Variants in SWT1 observed in about 807,000 individuals in gnomAD.
SWT1 encodes SWT1 RNA endoribonuclease homolog.
Under a neutral mutation model 107.3 loss-of-function variants are expected in SWT1, and 33 were observed. The observed-to-expected ratio is 0.31, with a 90% CI of 0.23 to 0.41. The LOEUF is 0.41. Among genes scored for constraint, SWT1 ranks in the 10% least tolerant of loss-of-function variants. The pLI, the probability that SWT1 is intolerant of heterozygous loss-of-function variation, is 1.00. For synonymous variants in SWT1, 345 were observed against 348.3 expected, an observed-to-expected ratio of 0.99 and a Z score of 0.11; for missense variants, 898 against 1,028.9, an observed-to-expected ratio of 0.87 and a Z score of 1.74.
chr1:185,172,595 A>G lies in SWT1; in HGVS notation c.225-1777A>G, dbSNP rs181485049. Among the ~76,000 whole-genome samples, 9 of 152,278 alleles carry G rather than the reference A, an allele frequency of 5.9e-5. No homozygotes were observed. The East Asian group carries it at 1.7e-3, about 29-fold the overall frequency. On this transcript the variant is annotated intron_variant, in intron 4 of 18. Transcript: ENST00000367500. Reference sequence around the variant, plus strand: ...TTTCTAAAATGAGAATTTCAGATGTAAAAAAATGACCATTTTTAGAGTTTT... The same window carrying G: ...TTTCTAAAATGAGAATTTCAGATGTGAAAAAATGACCATTTTTAGAGTTTT...
At chr1:185,177,088 T>A in intron 5 of SWT1, 1 of 976,864 alleles carries the variant, frequency 1.0e-6, no homozygotes, top group Non-Finnish European at 1.2e-6. Flanking sequence ...GAATTAGTAT[T>A]TTTAGTTTAA....
rs535224298 is a variant in SWT1, at chr1:185,183,634, G to A, written c.1139-609G>A. Among the ~76,000 whole-genome samples the A allele has an allele frequency of 2.0e-3, 309 of 152,256 alleles. 3 individuals are homozygous for A. Among genetic ancestry groups the A allele is most frequent in the African/African-American group, 7.1e-3 (296 of 41,552 alleles). On this transcript the variant is annotated intron_variant, in intron 7 of 18. Transcript: ENST00000367500. ...TTTCAATTATATTCACTCAGGATAT[G>A]TTAAAATTAGCTTATAATTACTAAG... is the stretch of plus-strand genomic sequence containing the variant.
At chr1:185,227,011 T>C in intron 15 of SWT1, 2 of 884,562 alleles carry the variant, frequency 2.3e-6, no homozygotes, top group Admixed American at 1.7e-5. Context: ...GGAGTTATGC[T>C]GTTCTTTATG....
rs535734575 is a variant in SWT1, at chr1:185,211,021, C to T, written c.1973-3486C>T. Among the ~76,000 whole-genome samples the T allele has an allele frequency of 8.1e-5, 6 of 73,916 alleles. No homozygotes were observed. In the South Asian group the frequency reaches 2.9e-3, roughly 35 times the overall value. 48.5% of individuals were successfully genotyped at this position (73,916 alleles called of 152,430 possible). ...AAGGTCCTCGTCAAGAACTACAAAC[C>T]GCTGCTCAAGGAAGTAAGAGAGGAC... On this transcript the variant is annotated intron_variant, in intron 13 of 18. Coordinates refer to ENST00000367500, the MANE Select transcript of SWT1 (RefSeq NM_017673.7).
In SWT1 at chr1:185,291,487, A is replaced by T. The variant is rs889552815; in HGVS notation, c.*684A>T. On this transcript the variant is annotated 3_prime_UTR_variant, in exon 19 of 19. Coordinates refer to ENST00000367500, the MANE Select transcript of SWT1 (RefSeq NM_017673.7). ...TAAATGTGAAGCAAAATAAATTTAT[A>T]TAATGGAATTTGGTGGCAGTGACTG... The T allele has an allele frequency of 6.6e-6, 1 of 152,590 alleles. No individual in the cohort carries two copies. Among genetic ancestry groups the T allele is most frequent in the African/African-American group, 2.4e-5 (1 of 41,446 alleles). 9.5% of individuals were successfully genotyped at this position (152,590 alleles called of 1,614,324 possible).
chr1:185,250,418 C>T (rs118019870), intron 16 of SWT1, among the ~76,000 whole-genome samples: 1 of 152,286 alleles, frequency 6.6e-6, no homozygotes, highest in East Asian at 1.9e-4. Flanking sequence ...GTTTTCCTGC[C>T]ATTCCTGTTA....
At chr1:185,223,731 A>G (rs973450249) in intron 15 of SWT1, among the ~76,000 whole-genome samples, 1 of 152,036 alleles carries the variant, frequency 6.6e-6, no homozygotes, top group African/African-American at 2.4e-5. Flanking sequence ...TGTTGTACAG[A>G]TTATTTCTTC....
intron 4 of SWT1, among the ~76,000 whole-genome samples, chr1:185,169,468 C>A (rs1476834029): frequency 6.6e-6 from 1 of 151,962 alleles, no homozygotes; most frequent in Non-Finnish European, 1.5e-5. Flanking sequence ...AATTGGTGTG[C>A]AAACAGTGAA....
chr1:185,257,831 A>C (rs1473964959), intron 16 of SWT1: 2 of 152,184 alleles, frequency 1.3e-5, no homozygotes, highest in Admixed American at 1.3e-4. Context: ...TATTGTGATT[A>C]TTGGTATATT....
rs1665066464 is a variant in SWT1, at chr1:185,288,362, A to C, written c.2574-2312A>C. ...CTGAGTTGCTAGGATTACAGATGTGAGCCACCCAAAAGTCAGGCTTTAATC... is the reference window on the plus strand; with the variant it reads ...CTGAGTTGCTAGGATTACAGATGTGCGCCACCCAAAAGTCAGGCTTTAATC... On this transcript the variant is annotated intron_variant, in intron 18 of 18. Transcript: ENST00000367500. Among the ~76,000 whole-genome samples the C allele has an allele frequency of 2.0e-5, 3 of 152,166 alleles. No individual in the cohort carries two copies. The South Asian group carries it at 6.2e-4, about 32-fold the overall frequency.
intron 18 of SWT1, among the ~76,000 whole-genome samples, chr1:185,286,947 A>G (rs1664982297): frequency 6.6e-6 from 1 of 152,130 alleles, no homozygotes; most frequent in African/African-American, 2.4e-5. Flanking sequence ...TTTACCGTTG[A>G]TGTTAGCTAT....
At chr1:185,269,744 A>AT (rs1343168069) in intron 16 of SWT1, among the ~76,000 whole-genome samples, 1 of 152,198 alleles carries the variant, frequency 6.6e-6, no homozygotes, top group Non-Finnish European at 1.5e-5. Context: ...ATATTTACTT[A>AT]TTTTATAGCT....
intron 9 of SWT1, among the ~76,000 whole-genome samples, chr1:185,185,715 G>A (rs1244862652): frequency 1.3e-5 from 2 of 152,062 alleles, no homozygotes; most frequent in Admixed American, 6.6e-5. Context: ...TATTAACTAT[G>A]AGAAGGCTTT....
chr1:185,196,633 C>T (rs1657416118), intron 10 of SWT1, among the ~76,000 whole-genome samples: 1 of 152,064 alleles, frequency 6.6e-6, no homozygotes, highest in Non-Finnish European at 1.5e-5. Flanking sequence ...AATGTTTTTC[C>T]ATTTGTTTGT....
At chr1:185,169,104 A>G (rs1233601213) in intron 4 of SWT1, among the ~76,000 whole-genome samples, 1 of 152,158 alleles carries the variant, frequency 6.6e-6, no homozygotes. Flanking sequence ...TTTGCTAAAA[A>G]CAAAAAAATT....
chr1:185,249,880 C>G (rs919325878), intron 16 of SWT1, among the ~76,000 whole-genome samples: 2 of 152,178 alleles, frequency 1.3e-5, no homozygotes, highest in African/African-American at 4.8e-5. Flanking sequence ...GAGGAGCCTC[C>G]TCAAGCTGTG....
At chr1:185,255,730 A>T (rs1316180656) in intron 16 of SWT1, among the ~76,000 whole-genome samples, 2 of 145,894 alleles carry the variant, frequency 1.4e-5, no homozygotes, top group African/African-American at 5.2e-5. Context: ...TTGACTCTTT[A>T]TCCAATTTGC....
intron 14 of SWT1, among the ~76,000 whole-genome samples, chr1:185,218,659 C>T (rs1659410393): frequency 2.0e-5 from 3 of 152,110 alleles, no homozygotes; most frequent in African/African-American, 7.2e-5. Flanking sequence ...AGGATACGTA[C>T]ACTTTCGTTT....
intron 2 of SWT1, among the ~76,000 whole-genome samples, chr1:185,163,018 A>C (rs945026280): frequency 1.3e-5 from 2 of 152,140 alleles, no homozygotes; most frequent in Non-Finnish European, 2.9e-5. Flanking sequence ...GCTAAAGATC[A>C]TTTGAGTCTT....
Sources: allele counts gnomAD v4.1 joint callset (sites outside exome capture counted in the v4.1 genomes callset), GRCh38; gene constraint gnomAD v4.1.1; transcripts MANE v1.5; gene names NCBI Gene and HGNC (gene_info 2026-07-23, HGNC 2026-07-21).